Variants in FBLN7 observed in about 807,000 individuals in gnomAD.
FBLN7 encodes fibulin-7.
A neutral mutation model predicts 44.0 loss-of-function variants in FBLN7; 31 were observed. The observed-to-expected ratio is 0.70, with a 90% CI of 0.53 to 0.95. FBLN7 has a LOEUF of 0.95. FBLN7 is among the 40% of genes least tolerant of loss of function. FBLN7 has a pLI of 0.00. For synonymous variants in FBLN7, 262 were observed against 253.4 expected, an observed-to-expected ratio of 1.03 and a Z score of -0.32; for missense variants, 573 against 618.5, an observed-to-expected ratio of 0.93 and a Z score of 0.78.
intron 6 of FBLN7, among the ~76,000 whole-genome samples, chr2:112,184,375 T>C (rs1407289238): frequency 6.6e-6 from 1 of 152,150 alleles, no homozygotes. Context: ...TGCAGGGCTC[T>C]GAGGAGTGGG....
chr2:112,182,050 A>T (rs1683029318), intron 5 of FBLN7, 174 bp downstream of exon 5: 1 of 801,006 alleles, frequency 1.2e-6, no homozygotes, highest in Non-Finnish European at 1.8e-6. Flanking sequence ...GCTAGAAGGC[A>T]GCTAATTCAC....
At chr2:112,223,115 G>A in the FBLN7 span, among the ~76,000 whole-genome samples, 1,850 of 152,110 alleles carry the variant, frequency 0.012, 36 homozygotes, top group African/African-American at 0.043. Flanking sequence ...GTCGTGGGGT[G>A]GGGGAGTGGG....
the FBLN7 span, among the ~76,000 whole-genome samples, chr2:112,209,373 A>G: frequency 6.6e-6 from 1 of 152,180 alleles, no homozygotes; most frequent in Non-Finnish European, 1.5e-5. Context: ...TTCCAGCTCA[A>G]TCATTTGCTG....
intron 3 of FBLN7, among the ~76,000 whole-genome samples, chr2:112,167,627 C>T (rs559308270): frequency 2.6e-5 from 4 of 152,292 alleles, no homozygotes; most frequent in African/African-American, 4.8e-5. Flanking sequence ...CCGATCCAGT[C>T]GGAACTTTTA....
intron 1 of FBLN7, among the ~76,000 whole-genome samples, chr2:112,158,485 G>T (rs1011302869): frequency 6.6e-6 from 1 of 151,532 alleles, no homozygotes; most frequent in Non-Finnish European, 1.5e-5. Context: ...GCCCAGCCTG[G>T]AGTGCAGTGG....
chr2:112,234,335 A>G, the FBLN7 span: 91 of 895,448 alleles, frequency 1.0e-4, no homozygotes, highest in Non-Finnish European at 3.0e-5. Flanking sequence ...AGAGCCTTAA[A>G]GGTGACTCTT....
rs1197516958 is a variant in FBLN7 at position 112,181,785 on chromosome 2, G to C, written c.579G>C (p.Ala193=). 1 of 1,452,602 alleles carries C rather than the reference G, an allele frequency of 6.9e-7. No homozygotes were observed. Among genetic ancestry groups the C allele is most frequent in the African/African-American group, 1.5e-5 (1 of 67,402 alleles). 90.0% of individuals were successfully genotyped at this position (1,452,602 alleles called of 1,614,324 possible). ...SVAGDSAFSR[A]PRCAQVERAQ... is the part of the protein sequence containing the mutation. ...CCGGCGACTCCGCCTTCAGCCGCGC[G>C]CCGCGCTGTGCGCAGGTGGAGCGGG... Residue 193 remains alanine, a synonymous_variant, in exon 5 of 8, where the codon GCG becomes GCC. Transcript: ENST00000331203.
chr2:112,200,099 G>C, the FBLN7 span, among the ~76,000 whole-genome samples: 1 of 152,166 alleles, frequency 6.6e-6, no homozygotes, highest in South Asian at 2.1e-4. Flanking sequence ...TAGTAAACCT[G>C]ACTTTGTTGA....
chr2:112,154,980 G>A (rs753826455), intron 1 of FBLN7, among the ~76,000 whole-genome samples: 5 of 152,186 alleles, frequency 3.3e-5, no homozygotes, highest in Non-Finnish European at 7.4e-5. Context: ...GCATGGTGAC[G>A]TCTGTGCAAG....
chr2:112,206,339 T>C, the FBLN7 span, among the ~76,000 whole-genome samples: 1 of 152,222 alleles, frequency 6.6e-6, no homozygotes, highest in South Asian at 2.1e-4. Context: ...TGACTTTTTT[T>C]CATTGATTTT....
the FBLN7 span, among the ~76,000 whole-genome samples, chr2:112,202,444 T>C: frequency 1.3e-5 from 2 of 151,628 alleles, no homozygotes; most frequent in Non-Finnish European, 2.9e-5. Flanking sequence ...GAAATATATA[T>C]ATTTTTAAGT....
chr2:112,240,045 C>T, the FBLN7 span, among the ~76,000 whole-genome samples: 1 of 152,222 alleles, frequency 6.6e-6, no homozygotes, highest in Non-Finnish European at 1.5e-5. Context: ...ATCTTCCCTA[C>T]ACCAGACAAG....
chr2:112,167,550 C>G (rs1682223203), intron 3 of FBLN7, among the ~76,000 whole-genome samples: 1 of 152,158 alleles, frequency 6.6e-6, no homozygotes, highest in Admixed American at 6.5e-5. Context: ...GCCATGATCT[C>G]AAACATTCAG....
chr2:112,167,722 T>C (rs919358667), intron 3 of FBLN7, among the ~76,000 whole-genome samples: 2 of 152,206 alleles, frequency 1.3e-5, no homozygotes, highest in Admixed American at 1.3e-4. Context: ...CACCACTTGG[T>C]TCGTTCTTGC....
At chr2:112,166,207 C>T (rs1291978030) in intron 3 of FBLN7, among the ~76,000 whole-genome samples, 2 of 152,152 alleles carry the variant, frequency 1.3e-5, no homozygotes, top group African/African-American at 2.4e-5. Flanking sequence ...CCCACCACCA[C>T]GTTCAGCTAA....
downstream of FBLN7, among the ~76,000 whole-genome samples, chr2:112,191,433 C>A (rs558461705): frequency 9.5e-4 from 145 of 152,318 alleles, 1 homozygote; most frequent in African/African-American, 3.2e-3. Flanking sequence ...GCCTCGGCCT[C>A]CCAAAGTGCT....
the FBLN7 span, among the ~76,000 whole-genome samples, chr2:112,235,761 G>T: frequency 6.6e-6 from 1 of 151,954 alleles, no homozygotes. Flanking sequence ...TGGGGAGTGG[G>T]GAGATTCAGT....
the FBLN7 span, among the ~76,000 whole-genome samples, chr2:112,225,298 A>G: frequency 1.3e-5 from 2 of 152,216 alleles, no homozygotes; most frequent in Non-Finnish European, 2.9e-5. Flanking sequence ...AAATGTTATC[A>G]AAAGACATTT....
At chr2:112,239,460 C>T in the FBLN7 span, among the ~76,000 whole-genome samples, 1 of 152,000 alleles carries the variant, frequency 6.6e-6, no homozygotes, top group Non-Finnish European at 1.5e-5. Flanking sequence ...ACTTTGGGGC[C>T]TGGTCTCTTA....
Sources: allele counts gnomAD v4.1 joint callset (sites outside exome capture counted in the v4.1 genomes callset), GRCh38; gene constraint gnomAD v4.1.1; transcripts MANE v1.5; gene names NCBI Gene and HGNC (gene_info 2026-07-23, HGNC 2026-07-21).